GRID1: variants seen among roughly 807,000 people sequenced by gnomAD.
GRID1 encodes the protein glutamate ionotropic receptor delta type subunit 1, also known as glutamate receptor ionotropic, delta-1.
A neutral mutation model predicts 98.0 loss-of-function variants in GRID1; 28 were observed. The observed-to-expected ratio is 0.29, with a 90% CI of 0.21 to 0.39. The LOEUF is 0.39. Among genes scored for constraint, GRID1 ranks in the 10% least tolerant of loss-of-function variants. The pLI is 1.00. For synonymous variants in GRID1, 553 were observed against 538.5 expected, an observed-to-expected ratio of 1.03 and a Z score of -0.37; for missense variants, 1,111 against 1,340.5, an observed-to-expected ratio of 0.83 and a Z score of 2.67.
At chr10:85,673,094 C>G (rs538274124) in intron 12 of GRID1, among the ~76,000 whole-genome samples, 2 of 152,122 alleles carry the variant, frequency 1.3e-5, no homozygotes, top group Non-Finnish European at 2.9e-5. Flanking sequence ...TTGAGAGGTT[C>G]AAGACTTCAG....
At chr10:86,031,100 G>A (rs576554868) in intron 4 of GRID1, among the ~76,000 whole-genome samples, 6 of 152,112 alleles carry the variant, frequency 3.9e-5, no homozygotes, top group East Asian at 1.9e-4. Flanking sequence ...GGAGACCTTC[G>A]TTTCCACAGA....
At chr10:85,660,819 GGGAA>G in intron 12 of GRID1, among the ~76,000 whole-genome samples, 1 of 152,110 alleles carries the variant, frequency 6.6e-6, no homozygotes, top group Non-Finnish European at 1.5e-5. Context: ...TGGCAGGGCA[GGGAA>G]GGAGTTCAGA....
chr10:85,982,716 G>A (rs1842561061), intron 4 of GRID1, among the ~76,000 whole-genome samples: 1 of 152,152 alleles, frequency 6.6e-6, no homozygotes, highest in Non-Finnish European at 1.5e-5. Context: ...TATGCAAAAA[G>A]CTGTGCACAG....
At chr10:86,146,642 G>A (rs1281661629) in intron 3 of GRID1, among the ~76,000 whole-genome samples, 1 of 151,878 alleles carries the variant, frequency 6.6e-6, no homozygotes, top group Admixed American at 6.6e-5. Flanking sequence ...CTCCCTTCCC[G>A]CCCTCTTCCT....
chr10:85,819,401 A>G (rs1258018436), intron 8 of GRID1, among the ~76,000 whole-genome samples: 2 of 152,210 alleles, frequency 1.3e-5, no homozygotes, highest in Non-Finnish European at 2.9e-5. Context: ...CCTTTCCTCA[A>G]CATCTCAACA....
intron 2 of GRID1, among the ~76,000 whole-genome samples, chr10:86,212,835 G>A (rs1846125357): frequency 6.6e-6 from 1 of 152,136 alleles, no homozygotes; most frequent in Non-Finnish European, 1.5e-5. Context: ...GTAAATTATT[G>A]ATCTATGGAG....
At chr10:86,352,095 G>A (rs1231749722) in intron 2 of GRID1, among the ~76,000 whole-genome samples, 2 of 152,216 alleles carry the variant, frequency 1.3e-5, no homozygotes, top group African/African-American at 4.8e-5. Flanking sequence ...AAGGTCAGGA[G>A]TTAGAGACCA....
At chr10:85,808,462 A>C (rs1359821475) in intron 8 of GRID1, among the ~76,000 whole-genome samples, 1 of 152,208 alleles carries the variant, frequency 6.6e-6, no homozygotes, top group Non-Finnish European at 1.5e-5. Flanking sequence ...AAAGTCTAAG[A>C]TGATGTCACT....
intron 2 of GRID1, among the ~76,000 whole-genome samples, chr10:86,327,759 T>G (rs1848073309): frequency 6.6e-6 from 1 of 152,248 alleles, no homozygotes; most frequent in African/African-American, 2.4e-5. Flanking sequence ...AAATTAAGAC[T>G]GATAATATCA....
intron 8 of GRID1, among the ~76,000 whole-genome samples, chr10:85,770,729 T>C (rs1042231533): frequency 2.6e-5 from 4 of 151,988 alleles, no homozygotes; most frequent in African/African-American, 9.7e-5. Flanking sequence ...GTATCAGTGA[T>C]GGAAGATGAA....
intron 2 of GRID1, among the ~76,000 whole-genome samples, chr10:86,262,612 C>A (rs1022974068): frequency 6.6e-6 from 1 of 152,184 alleles, no homozygotes; most frequent in Non-Finnish European, 1.5e-5. Flanking sequence ...TGGACCACAG[C>A]CCTGTTAGGA....
intron 7 of GRID1, among the ~76,000 whole-genome samples, chr10:85,855,592 T>C (rs548105678): frequency 3.3e-5 from 5 of 152,328 alleles, no homozygotes; most frequent in African/African-American, 9.6e-5. Context: ...AAATCATCCA[T>C]AGATTACTCA....
At chr10:85,881,199 C>A (rs925564147) in intron 5 of GRID1, among the ~76,000 whole-genome samples, 17 of 152,116 alleles carry the variant, frequency 1.1e-4, no homozygotes, top group African/African-American at 4.1e-4. Flanking sequence ...CCATACTGCC[C>A]AAGGTAATTT....
At chr10:86,024,476 A>G (rs1386258613) in intron 4 of GRID1, among the ~76,000 whole-genome samples, 2 of 152,188 alleles carry the variant, frequency 1.3e-5, no homozygotes, top group Non-Finnish European at 2.9e-5. Context: ...CAATTGGCCT[A>G]AAATAAGCTT....
intron 4 of GRID1, among the ~76,000 whole-genome samples, chr10:86,043,554 GA>G (rs1843377573): frequency 6.6e-6 from 1 of 152,214 alleles, no homozygotes; most frequent in Non-Finnish European, 1.5e-5. Flanking sequence ...GGAGGAGCAG[GA>G]AAGGGCACAG....
intron 8 of GRID1, among the ~76,000 whole-genome samples, chr10:85,783,801 A>T (rs932329401): frequency 6.6e-6 from 1 of 152,168 alleles, no homozygotes; most frequent in Non-Finnish European, 1.5e-5. Context: ...TACTCCAAAA[A>T]AATATATAAA....
intron 4 of GRID1, among the ~76,000 whole-genome samples, chr10:86,116,510 G>A (rs1844582550): frequency 6.6e-6 from 1 of 152,264 alleles, no homozygotes; most frequent in Middle Eastern, 3.4e-3. Context: ...GTCTTAGAGA[G>A]AGGCCAAAGG....
intron 4 of GRID1, among the ~76,000 whole-genome samples, chr10:85,990,014 C>T (rs984467413): frequency 3.9e-5 from 6 of 152,278 alleles, no homozygotes; most frequent in Admixed American, 2.0e-4. Flanking sequence ...GAAGCAAGCC[C>T]TCACCAGATT....
chr10:85,696,669 T>G (rs1162605087), intron 12 of GRID1, among the ~76,000 whole-genome samples: 2 of 152,068 alleles, frequency 1.3e-5, no homozygotes, highest in African/African-American at 4.8e-5. Flanking sequence ...TTCTAATTTT[T>G]TCTTTCAGAT....
Sources: gnomAD v4.1 joint callset for allele counts (sites outside exome capture counted in the v4.1 genomes callset) on GRCh38, gnomAD v4.1.1 for gene constraint, MANE v1.5 for transcripts, NCBI Gene and HGNC (gene_info 2026-07-23, HGNC 2026-07-21) for gene names.